The following CNDP1 variants were observed in gnomAD, a reference collection of about 807,000 sequenced individuals.
The protein encoded by CNDP1 is carnosine dipeptidase 1.
A neutral mutation model predicts 58.1 loss-of-function variants in CNDP1; 44 were observed. That is an observed-to-expected ratio of 0.76 (90% CI 0.60 to 0.97). The LOEUF is 0.97. Among genes scored for constraint, CNDP1 ranks in the 50% least tolerant of loss-of-function variants. The pLI is 0.00. For synonymous variants in CNDP1, 254 were observed against 252.6 expected, an observed-to-expected ratio of 1.01 and a Z score of -0.05; for missense variants, 616 against 655.1, an observed-to-expected ratio of 0.94 and a Z score of 0.65.
chr18:74,577,263 TTA>T, intron 8 of CNDP1: 1 of 347,656 alleles, frequency 2.9e-6, no homozygotes, highest in South Asian at 9.1e-5. Flanking sequence ...CCACAAGCAG[TTA>T]CCCATTTCCC....
chr18:74,558,381 ACTTT>A (rs1444838191), intron 2 of CNDP1, among the ~76,000 whole-genome samples: 1 of 128,566 alleles, frequency 7.8e-6, no homozygotes, highest in East Asian at 2.3e-4. Flanking sequence ...AGGGAGCATT[ACTTT>A]CTTTTTCTTT....
intron 7 of CNDP1, among the ~76,000 whole-genome samples, chr18:74,572,945 G>A (rs1981523532): frequency 6.6e-6 from 1 of 152,048 alleles, no homozygotes; most frequent in Admixed American, 6.6e-5. Context: ...GGTACAATCA[G>A]CCCAGATGGC....
intron 6 of CNDP1, among the ~76,000 whole-genome samples, chr18:74,569,520 T>A (rs567620650): frequency 6.6e-6 from 1 of 152,218 alleles, no homozygotes; most frequent in South Asian, 2.1e-4. Context: ...AGGTCTGGTG[T>A]TTAAGTAGAA....
chr18:74,579,405 C>A (rs1044092596), intron 9 of CNDP1, among the ~76,000 whole-genome samples: 7 of 131,298 alleles, frequency 5.3e-5, no homozygotes, highest in Non-Finnish European at 1.1e-4. Flanking sequence ...TCCCTTCTTT[C>A]TTTTTGGAGG....
chr18:74,534,823 G>A (rs1283718215), intron 1 of CNDP1, 132 bp downstream of exon 1: 1 of 885,620 alleles, frequency 1.1e-6, no homozygotes, highest in Non-Finnish European at 1.9e-6. Flanking sequence ...TCCTCATGGT[G>A]TTCTTAGGTG....
intron 2 of CNDP1, among the ~76,000 whole-genome samples, chr18:74,557,072 C>T (rs1370537857): frequency 3.9e-5 from 6 of 152,046 alleles, no homozygotes; most frequent in Non-Finnish European, 8.8e-5. Flanking sequence ...CCTGCCAACA[C>T]ACCTGGCTAA....
chr18:74,552,193 G>C (rs778567281), intron 1 of CNDP1, among the ~76,000 whole-genome samples: 53 of 152,190 alleles, frequency 3.5e-4, no homozygotes, highest in Admixed American at 3.1e-3. Context: ...CCACTGTATA[G>C]CTTCCTCTAT....
At chr18:74,571,625 T>C (rs964019705) in intron 7 of CNDP1, among the ~76,000 whole-genome samples, 1 of 152,152 alleles carries the variant, frequency 6.6e-6, no homozygotes, top group Admixed American at 6.5e-5. Context: ...AGGTGTGGTA[T>C]TCCCAAGCAG....
intron 1 of CNDP1, 85 bp from the exon 2 acceptor site, chr18:74,556,247 GGTAACA>G (rs1981033573): frequency 7.0e-7 from 1 of 1,421,796 alleles, no homozygotes; most frequent in African/African-American, 1.4e-5. Flanking sequence ...AGCTGTGTGA[GGTAACA>G]GACCTTCTTG....
intron 10 of CNDP1, among the ~76,000 whole-genome samples, chr18:74,581,217 C>CGTGTGT (rs1981781185): frequency 1.1e-5 from 1 of 93,086 alleles, no homozygotes; most frequent in Non-Finnish European, 2.1e-5. Context: ...CCACACCTAT[C>CGTGTGT]CTGTGTGTGT....
intron 7 of CNDP1, among the ~76,000 whole-genome samples, chr18:74,573,349 C>T (rs190449102): frequency 3.8e-4 from 57 of 151,848 alleles, no homozygotes; most frequent in Non-Finnish European, 7.7e-4. Flanking sequence ...TCCATCCATC[C>T]ATTCATTATC....
At chr18:74,561,309 G>T in intron 4 of CNDP1, 1 of 256,770 alleles carries the variant, frequency 3.9e-6, no homozygotes, top group Non-Finnish European at 7.7e-6. Flanking sequence ...CCAGCTACTT[G>T]GGAGACCAAG....
At chr18:74,558,546 C>T (rs925736825) in intron 2 of CNDP1, among the ~76,000 whole-genome samples, 2 of 151,958 alleles carry the variant, frequency 1.3e-5, no homozygotes, top group Admixed American at 6.6e-5. Context: ...AGGCGCCCAC[C>T]ACCACACCTG....
At chr18:74,556,730 C>A (rs141106276) in intron 2 of CNDP1, among the ~76,000 whole-genome samples, 19 of 152,332 alleles carry the variant, frequency 1.2e-4, no homozygotes, top group Non-Finnish European at 2.6e-4. Context: ...AGATGACCAG[C>A]ACCTCCGCTG....
In CNDP1 at chr18:74,575,034, T is replaced by A. The variant is rs11875787; in HGVS notation, c.842-1835T>A. ...GAGGGGAAGGAAAGGAAGGGAGGGATGGAGGGAAGGAAGGAGAGAAAGGAA... is the reference window on the plus strand; with the variant it reads ...GAGGGGAAGGAAAGGAAGGGAGGGAAGGAGGGAAGGAAGGAGAGAAAGGAA... On this transcript the variant is annotated intron_variant, in intron 7 of 11. Transcript: ENST00000358821. Among the ~76,000 whole-genome samples, 68 of 143,332 alleles carry A rather than the reference T, an allele frequency of 4.7e-4. 1 individual carries two copies. Among genetic ancestry groups the A allele is most frequent in the African/African-American group, 1.6e-3 (63 of 38,950 alleles). The allele number at this position is 143,332 out of a possible 152,430, so 94.0% of individuals were successfully genotyped here.
intron 11 of CNDP1, 117 bp downstream of exon 11, chr18:74,583,825 G>A (rs1304655247): frequency 1.4e-5 from 14 of 1,014,188 alleles, no homozygotes; most frequent in Middle Eastern, 3.1e-4. Context: ...GTCCAGACTG[G>A]GAGCTTAAAG....
At chr18:74,544,704 C>T (rs532178261) in intron 1 of CNDP1, among the ~76,000 whole-genome samples, 5 of 109,944 alleles carry the variant, frequency 4.5e-5, no homozygotes, top group East Asian at 2.6e-4. Context: ...GGCAGCAGAG[C>T]GAGGTTCTGT....
intron 6 of CNDP1, among the ~76,000 whole-genome samples, chr18:74,570,464 G>A (rs556041753): frequency 6.6e-5 from 10 of 152,226 alleles, no homozygotes; most frequent in South Asian, 2.1e-4. Flanking sequence ...CATCCTGGTC[G>A]TTTTATGACT....
At chr18:74,569,880 A>C in intron 6 of CNDP1, among the ~76,000 whole-genome samples, 1 of 152,104 alleles carries the variant, frequency 6.6e-6, no homozygotes, top group East Asian at 1.9e-4. Flanking sequence ...CAAACAAAGT[A>C]ACATTTACCA....
Sources: allele counts gnomAD v4.1 joint callset (sites outside exome capture counted in the v4.1 genomes callset), GRCh38; gene constraint gnomAD v4.1.1; transcripts MANE v1.5; gene names NCBI Gene and HGNC (gene_info 2026-07-23, HGNC 2026-07-21).